TTLL5: variants seen among roughly 807,000 people sequenced by gnomAD.
TTLL5 encodes the protein tubulin polyglutamylase TTLL5.
A neutral mutation model predicts 168.4 loss-of-function variants in TTLL5; 132 were observed. That is an observed-to-expected ratio of 0.78 (90% CI 0.68 to 0.91). TTLL5 has a LOEUF of 0.91. TTLL5 is among the 40% of genes least tolerant of loss of function. The pLI, the probability that TTLL5 is intolerant of heterozygous loss-of-function variation, is 0.00. For missense variants in TTLL5, 1,545 were observed against 1,581.5 expected, an observed-to-expected ratio of 0.98 and a Z score of 0.39; for synonymous variants, 546 against 558.6, an observed-to-expected ratio of 0.98 and a Z score of 0.32.
chr14:75,863,934 A>AAAAAAAAAAAAAAAAAAAAAAG (rs869255321), intron 29 of TTLL5, 72 bp downstream of exon 29: 1 of 1,267,080 alleles, frequency 7.9e-7, no homozygotes, highest in African/African-American at 1.6e-5. Flanking sequence ...AAAAAAAAAA[A>AAAAAAAAAAAAAAAAAAAAAAG]GGTCAGTGAA....
chr14:75,860,048 C>G (rs925494751), intron 28 of TTLL5, among the ~76,000 whole-genome samples: 34 of 152,192 alleles, frequency 2.2e-4, no homozygotes, highest in African/African-American at 8.2e-4. Flanking sequence ...TGAGAAACTT[C>G]CTTTTGTGAT....
At chr14:75,773,225 G>A (rs1891453180) in intron 21 of TTLL5, among the ~76,000 whole-genome samples, 1 of 152,182 alleles carries the variant, frequency 6.6e-6, no homozygotes, top group Admixed American at 6.6e-5. Context: ...ACCATCAGTG[G>A]AAAATGTTAG....
intron 7 of TTLL5, among the ~76,000 whole-genome samples, chr14:75,706,357 A>G (rs1030394796): frequency 6.6e-6 from 1 of 152,236 alleles, no homozygotes; most frequent in South Asian, 2.1e-4. Flanking sequence ...CCAGGCAGAG[A>G]TTATATGTGT....
intron 30 of TTLL5, among the ~76,000 whole-genome samples, chr14:75,885,278 C>T (rs1051809688): frequency 1.1e-4 from 16 of 152,028 alleles, no homozygotes; most frequent in African/African-American, 3.6e-4. Flanking sequence ...ATCAAGAGGT[C>T]GGGAGATCGA....
At chr14:75,713,403 A>G (rs142825773) in intron 9 of TTLL5, among the ~76,000 whole-genome samples, 11 of 152,342 alleles carry the variant, frequency 7.2e-5, no homozygotes, top group Non-Finnish European at 1.2e-4. Context: ...GTAGTAGGCT[A>G]TACCATCCAG....
intron 28 of TTLL5, among the ~76,000 whole-genome samples, chr14:75,828,700 G>A (rs1895377866): frequency 6.6e-6 from 1 of 152,186 alleles, no homozygotes; most frequent in Non-Finnish European, 1.5e-5. Flanking sequence ...GTAAATGAAA[G>A]ACCCTGCCTA....
chr14:75,889,177 C>T (rs1181860069), intron 30 of TTLL5, among the ~76,000 whole-genome samples: 1 of 152,114 alleles, frequency 6.6e-6, no homozygotes, highest in Non-Finnish European at 1.5e-5. Flanking sequence ...GGGCTGAACA[C>T]AGTGAATAGA....
At chr14:75,787,005 G>A (rs186977734) in intron 26 of TTLL5, among the ~76,000 whole-genome samples, 1 of 151,912 alleles carries the variant, frequency 6.6e-6, no homozygotes, top group Admixed American at 6.6e-5. Context: ...TGGTGGCGCT[G>A]GCCTGTAGTC....
chr14:75,812,025 T>C (rs1420430772), intron 27 of TTLL5, among the ~76,000 whole-genome samples: 1 of 152,178 alleles, frequency 6.6e-6, no homozygotes, highest in Non-Finnish European at 1.5e-5. Flanking sequence ...GTCTAGATGG[T>C]ATGCATGCAA....
intron 22 of TTLL5, 85 bp downstream of exon 22, chr14:75,775,715 T>G: frequency 6.7e-7 from 1 of 1,494,376 alleles, no homozygotes; most frequent in Non-Finnish European, 9.1e-7. Context: ...TCCAACTGGA[T>G]GGAGACACTC....
Position 75,882,719 on chromosome 14 carries a change from A to C in TTLL5, c.3557A>C (p.Asn1186Thr). Residue 1186 changes from asparagine to threonine, a missense_variant, in exon 30 of 32, where the codon AAT (asparagine) becomes ACT (threonine). Physicochemically the swap from Asn to Thr is moderately conservative, Grantham distance 65. Transcript: ENST00000298832. The part of the protein sequence containing the change: ...IFGSQTLPNS[N>T]LWTMNNGAGC... Reference sequence around the variant, plus strand: ...GGCAGCCAGACACTACCTAACTCCAATTTATGGACAATGAATAATGGTGCA... The same window carrying C: ...GGCAGCCAGACACTACCTAACTCCACTTTATGGACAATGAATAATGGTGCA... The C allele has an allele frequency of 6.2e-7, 1 of 1,613,682 alleles. No individual in the cohort carries two copies. Among genetic ancestry groups the C allele is most frequent in the Non-Finnish European group, 8.5e-7 (1 of 1,179,822 alleles).
intron 17 of TTLL5, among the ~76,000 whole-genome samples, chr14:75,748,905 G>C (rs189377750): frequency 5.2e-4 from 79 of 152,198 alleles, no homozygotes; most frequent in Admixed American, 1.6e-3. Context: ...TCTTCCTCTG[G>C]TGACTGCATT....
intron 18 of TTLL5, chr14:75,757,857 C>T: frequency 6.3e-6 from 10 of 1,591,936 alleles, no homozygotes; most frequent in African/African-American, 1.3e-5. Context: ...AGCTTATTGA[C>T]AGGAAGAACA....
intron 30 of TTLL5, among the ~76,000 whole-genome samples, chr14:75,897,751 G>T (rs1019585402): frequency 7.2e-5 from 11 of 152,136 alleles, no homozygotes; most frequent in Admixed American, 6.5e-4. Flanking sequence ...AGGATTACAG[G>T]TGTGAGCCAC....
intron 15 of TTLL5, chr14:75,744,508 G>A (rs1889475925): frequency 6.6e-6 from 1 of 152,432 alleles, no homozygotes; most frequent in East Asian, 1.9e-4. Context: ...GCCTCTTGAA[G>A]TCCAGCAACC....
chr14:75,823,642 C>T (rs1894958556), intron 28 of TTLL5, among the ~76,000 whole-genome samples: 2 of 152,182 alleles, frequency 1.3e-5, no homozygotes, highest in African/African-American at 4.8e-5. Flanking sequence ...CTTTTTCACA[C>T]ATGCATCCTG....
intron 27 of TTLL5, among the ~76,000 whole-genome samples, chr14:75,811,189 A>ATGTGTG (rs1253221772): frequency 9.4e-5 from 6 of 64,044 alleles, no homozygotes; most frequent in African/African-American, 2.2e-4. Flanking sequence ...GTGTGTGTGT[A>ATGTGTG]TGTGTGTGTG....
intron 31 of TTLL5, among the ~76,000 whole-genome samples, chr14:75,938,503 T>C (rs1354774311): frequency 6.6e-6 from 1 of 152,240 alleles, no homozygotes; most frequent in African/African-American, 2.4e-5. Flanking sequence ...TGCCTGTGAA[T>C]AAAATTTTGT....
chr14:75,724,602 C>T (rs1248591816), intron 12 of TTLL5, among the ~76,000 whole-genome samples: 1 of 152,096 alleles, frequency 6.6e-6, no homozygotes, highest in African/African-American at 2.4e-5. Flanking sequence ...CTCTATGTTC[C>T]AGGTTCTAGA....
Sources: allele counts gnomAD v4.1 joint callset (sites outside exome capture counted in the v4.1 genomes callset), GRCh38; gene constraint gnomAD v4.1.1; transcripts MANE v1.5; gene names NCBI Gene and HGNC (gene_info 2026-07-23, HGNC 2026-07-21).